The following PCSK5 variants were observed in gnomAD, a reference collection of about 807,000 sequenced individuals.
PCSK5 encodes the protein prohormone convertase 5.
In PCSK5, 129 loss-of-function variants were observed where a neutral mutation model predicts 233.2. That is an observed-to-expected ratio of 0.55 (90% CI 0.48 to 0.64). The LOEUF is 0.64. PCSK5 is among the 30% of genes least tolerant of loss of function. The pLI, the probability that PCSK5 is intolerant of heterozygous loss-of-function variation, is 0.00. For synonymous variants in PCSK5, 825 were observed against 879.2 expected, an observed-to-expected ratio of 0.94 and a Z score of 1.09; for missense variants, 2,076 against 2,430.1, an observed-to-expected ratio of 0.85 and a Z score of 3.06.
chr9:75,910,112 C>T (rs1014644498), intron 1 of PCSK5, among the ~76,000 whole-genome samples: 1 of 152,192 alleles, frequency 6.6e-6, no homozygotes, highest in African/African-American at 2.4e-5. Flanking sequence ...GTCACTGAGA[C>T]TCATGGGATC....
intron 12 of PCSK5, among the ~76,000 whole-genome samples, chr9:76,166,804 T>C (rs943234119): frequency 1.3e-5 from 2 of 152,238 alleles, no homozygotes; most frequent in African/African-American, 4.8e-5. Context: ...TTTCTGCCTC[T>C]AGCCATTTCT....
At chr9:76,329,900 C>T (rs1375356344) in intron 33 of PCSK5, among the ~76,000 whole-genome samples, 1 of 151,906 alleles carries the variant, frequency 6.6e-6, no homozygotes, top group Non-Finnish European at 1.5e-5. Flanking sequence ...TGAAGTTGCC[C>T]GTGATCAGTT....
intron 1 of PCSK5, among the ~76,000 whole-genome samples, chr9:75,903,607 T>TA (rs1826145905): frequency 2.1e-5 from 3 of 142,174 alleles, no homozygotes; most frequent in African/African-American, 7.6e-5. Flanking sequence ...ATTATATATA[T>TA]ATATTATATA....
At chr9:76,098,121 G>T (rs1196811023) in intron 8 of PCSK5, among the ~76,000 whole-genome samples, 1 of 152,056 alleles carries the variant, frequency 6.6e-6, no homozygotes, top group East Asian at 1.9e-4. Context: ...TGATTTTTCT[G>T]TTTCATTTAT....
chr9:75,933,562 A>G (rs1001329546), intron 2 of PCSK5, among the ~76,000 whole-genome samples: 14 of 152,238 alleles, frequency 9.2e-5, no homozygotes, highest in Admixed American at 2.6e-4. Flanking sequence ...GAGGTTTGCA[A>G]TATTGCGTCT....
rs146853228 is a variant in PCSK5, at chr9:76,069,853, A to C, written c.721+1810A>C. Among the ~76,000 whole-genome samples the C allele has an allele frequency of 6.3e-3, 951 of 152,158 alleles. 14 individuals carry two copies. The highest frequency in any genetic ancestry group is 0.022 in the African/African-American group (898 of 41,528). ...AGAAAGTAAGAGGATGGAGTCGTTC[A>C]TCTTTCTTTGCTAAGAAACATGCAG... is the stretch of plus-strand genomic sequence containing the variant. On this transcript the variant is annotated intron_variant, in intron 6 of 37. Transcript: ENST00000674117.
At position 76,359,176 on chromosome 9, in the gene PCSK5, T is replaced by C; in HGVS notation, c.*254T>C. On this transcript the variant is annotated 3_prime_UTR_variant, in exon 38 of 38. Transcript: ENST00000674117. ...AAATTCAGAGGCATTTTCCTCAAAATAATGTGTTAAGACACAAAAATGAAG... is the reference window on the plus strand; with the variant it reads ...AAATTCAGAGGCATTTTCCTCAAAACAATGTGTTAAGACACAAAAATGAAG... 2.1e-6 allele frequency: 1 copy of C among 484,478 alleles called. No homozygotes were observed. Among genetic ancestry groups the C allele is most frequent in the Non-Finnish European group, 3.7e-6 (1 of 268,160 alleles). The allele number at this position is 484,478 out of a possible 1,614,324, so 30.0% of individuals were successfully genotyped here. A position where few individuals can be genotyped will look rare whatever the true frequency, so the allele number is the denominator to read the frequency against.
At chr9:75,928,640 A>T (rs973124731) in intron 1 of PCSK5, among the ~76,000 whole-genome samples, 15 of 69,644 alleles carry the variant, frequency 2.2e-4, no homozygotes, top group Non-Finnish European at 3.3e-4. Flanking sequence ...TATATATATA[A>T]TCCTAGAAGG....
chr9:76,092,222 C>T (rs1831325250), intron 7 of PCSK5, among the ~76,000 whole-genome samples: 1 of 152,138 alleles, frequency 6.6e-6, no homozygotes, highest in African/African-American at 2.4e-5. Flanking sequence ...GACTTTAGGA[C>T]TTTTCTGCTC....
chr9:76,321,523 T>A lies in PCSK5; in HGVS notation c.3986T>A (p.Val1329Asp). The change falls in exon 31 of 38, where the codon GTC becomes GAC. Residue 1329 changes from valine to aspartate, a missense_variant. Val to Asp is a radical substitution (Grantham distance 152, BLOSUM62 -3). This residue lies in a region of PCSK5 where 1,510 missense variants were observed against 1,538.1 expected (regional missense o/e 0.98). Transcript: ENST00000674117. The part of the protein sequence containing the change: ...TNCHSCEGGH[V>D]LHHGVCQENC... ...TGCCATTCTTGTGAAGGAGGCCACG[T>A]CCTGCACCACGGAGTGTGCCAGGAA... The A allele has an allele frequency of 6.2e-7, 1 of 1,612,370 alleles. No individual in the cohort carries two copies. Among genetic ancestry groups the A allele is most frequent in the South Asian group, 1.1e-5 (1 of 91,070 alleles).
chr9:76,293,640 G>A (rs910491818), intron 25 of PCSK5, among the ~76,000 whole-genome samples: 1 of 152,178 alleles, frequency 6.6e-6, no homozygotes, highest in African/African-American at 2.4e-5. Context: ...AGCAGAGACA[G>A]GGTTTCGCCA....
intron 24 of PCSK5, among the ~76,000 whole-genome samples, chr9:76,290,635 A>T (rs1294666678): frequency 6.6e-6 from 1 of 152,236 alleles, no homozygotes; most frequent in Non-Finnish European, 1.5e-5. Flanking sequence ...CTGTTAAGAC[A>T]ATTACAGACA....
intron 30 of PCSK5, among the ~76,000 whole-genome samples, chr9:76,317,486 CGT>C (rs1829065059): frequency 6.6e-6 from 1 of 152,186 alleles, no homozygotes; most frequent in South Asian, 2.1e-4. Flanking sequence ...AATGATTAAA[CGT>C]GTGAGTGCTG....
At chr9:76,284,535 C>CTTT (rs759060126) in intron 24 of PCSK5, among the ~76,000 whole-genome samples, 2 of 104,354 alleles carry the variant, frequency 1.9e-5, no homozygotes, top group Non-Finnish European at 3.8e-5. Flanking sequence ...TTTTTTTTGT[C>CTTT]TTTTTTTTTT....
intron 2 of PCSK5, among the ~76,000 whole-genome samples, chr9:75,960,892 G>T (rs1012616910): frequency 6.6e-6 from 1 of 152,160 alleles, no homozygotes; most frequent in Non-Finnish European, 1.5e-5. Flanking sequence ...GGCACATCTG[G>T]CTACCCTGTA....
intron 28 of PCSK5, among the ~76,000 whole-genome samples, chr9:76,303,925 G>GC (rs1488092083): frequency 6.6e-6 from 1 of 152,060 alleles, no homozygotes; most frequent in Non-Finnish European, 1.5e-5. Context: ...TAATCCCAGC[G>GC]CTTTGGGAGA....
chr9:76,079,125 G>C (rs1253734339), intron 7 of PCSK5, among the ~76,000 whole-genome samples: 3 of 151,600 alleles, frequency 2.0e-5, no homozygotes, highest in African/African-American at 4.9e-5. Context: ...AATCGAGATG[G>C]AGTTCACCCT....
intron 20 of PCSK5, among the ~76,000 whole-genome samples, chr9:76,217,631 C>A (rs998312581): frequency 6.6e-6 from 1 of 152,166 alleles, no homozygotes; most frequent in Admixed American, 6.5e-5. Flanking sequence ...CAGTTCCCCA[C>A]CTCTTGGGGG....
intron 12 of PCSK5, 127 bp from the exon 13 acceptor site, chr9:76,169,577 A>T (rs11144772): frequency 0.089 from 59,368 of 665,724 alleles, 3,139 homozygotes; most frequent in East Asian, 0.16. Context: ...GACATCCAGG[A>T]TGCAGACCAG....
Sources: allele counts gnomAD v4.1 joint callset (sites outside exome capture counted in the v4.1 genomes callset), GRCh38; gene constraint gnomAD v4.1.1; regional missense constraint gnomAD v4.1.1; transcripts MANE v1.5; gene names NCBI Gene and HGNC (gene_info 2026-07-23, HGNC 2026-07-21).